Variants in RAB4B observed in about 807,000 individuals in gnomAD.
RAB4B encodes ras-related protein Rab-4B.
RAB4B carries 15 observed loss-of-function variants against 28.3 expected under a neutral mutation model. The ratio of observed to expected loss-of-function variants is 0.53; its 90% CI spans 0.35 to 0.82. The LOEUF is 0.82. Among genes scored for constraint, RAB4B ranks in the 40% least tolerant of loss-of-function variants. The pLI is 0.01. For synonymous variants in RAB4B, 108 were observed against 116.3 expected, an observed-to-expected ratio of 0.93 and a Z score of 0.46; for missense variants, 244 against 288.5, an observed-to-expected ratio of 0.85 and a Z score of 1.12.
intron 7 of RAB4B, among the ~76,000 whole-genome samples, chr19:40,795,169 C>CA (rs1167818145): frequency 0.016 from 955 of 60,024 alleles, 3 homozygotes; most frequent in Non-Finnish European, 0.019. Context: ...GCTCCATCTC[C>CA]AAAAAAAAAA....
intron 7 of RAB4B, among the ~76,000 whole-genome samples, chr19:40,790,731 G>C (rs1483351929): frequency 1.4e-5 from 2 of 146,138 alleles, no homozygotes; most frequent in Non-Finnish European, 3.0e-5. Flanking sequence ...ACCCAGGCTA[G>C]AGTGCAGTGG....
intron 5 of RAB4B, among the ~76,000 whole-genome samples, chr19:40,784,977 G>T (rs1022065439): frequency 2.6e-5 from 4 of 151,814 alleles, no homozygotes; most frequent in Non-Finnish European, 4.4e-5. Flanking sequence ...ACAACGCCTG[G>T]CTAATTTTTA....
intron 7 of RAB4B, among the ~76,000 whole-genome samples, chr19:40,795,633 G>T (rs1390985935): frequency 6.6e-6 from 1 of 151,922 alleles, no homozygotes; most frequent in African/African-American, 2.4e-5. Context: ...CTGACCTTGT[G>T]ATCTGCCTGT....
chr19:40,789,280 G>A (rs1453286770), intron 7 of RAB4B, among the ~76,000 whole-genome samples: 3 of 151,672 alleles, frequency 2.0e-5, no homozygotes, highest in Non-Finnish European at 2.9e-5. Context: ...TCAGCTCACC[G>A]CAACCTCTGC....
chr19:40,788,559 CA>C (rs2083125037), intron 7 of RAB4B, among the ~76,000 whole-genome samples: 2 of 144,082 alleles, frequency 1.4e-5, no homozygotes, highest in South Asian at 4.4e-4. Context: ...AAAACAGGCA[CA>C]GATGAGTGGA....
At position 40,786,661 on chromosome 19, in the gene RAB4B, G is replaced by T. The variant is rs1444133369; in HGVS notation, c.431-4G>T. On this transcript the variant is annotated splice_polypyrimidine_tract_variant and splice_region_variant and intron_variant, in intron 5 of 7. Transcript: ENST00000357052. ...CCCTGACCTCAGAGTGTGTGCCCCT[G>T]CAGAGCTGATGTTCCTGGAGACCAG... 2 of 1,613,888 alleles carry T rather than the reference G, an allele frequency of 1.2e-6. No individual in the cohort carries two copies. Among genetic ancestry groups the T allele is most frequent in the Non-Finnish European group, 1.7e-6 (2 of 1,179,952 alleles).
intron 7 of RAB4B, among the ~76,000 whole-genome samples, chr19:40,793,297 C>T (rs1006311619): frequency 6.6e-6 from 1 of 151,940 alleles, no homozygotes; most frequent in Non-Finnish European, 1.5e-5. Flanking sequence ...TGCAGTGGCA[C>T]CATCTCAGCT....
chr19:40,783,683 G>A, intron 3 of RAB4B, 95 bp from the exon 4 acceptor site: 1 of 1,260,014 alleles, frequency 7.9e-7, no homozygotes, highest in Non-Finnish European at 1.1e-6. Flanking sequence ...CAGTGAAGGG[G>A]GGGGCCTCCG....
chr19:40,790,574 G>T (rs113336186), intron 7 of RAB4B, among the ~76,000 whole-genome samples: 4,414 of 150,626 alleles, frequency 0.029, 84 homozygotes, highest in African/African-American at 0.044. Context: ...GGGGTTTCAC[G>T]GTGTTAGCCA....
chr19:40,793,540 C>T (rs2083178177), intron 7 of RAB4B, among the ~76,000 whole-genome samples: 2 of 150,696 alleles, frequency 1.3e-5, no homozygotes, highest in Admixed American at 6.6e-5. Flanking sequence ...CATGCCTGGC[C>T]TCTTTTCCTT....
At chr19:40,796,471 C>G (rs557874981) in intron 7 of RAB4B, 99 bp from the exon 8 acceptor site, 1 of 152,346 alleles carries the variant, frequency 6.6e-6, no homozygotes, top group African/African-American at 2.4e-5. Context: ...ATGGACAGAC[C>G]GATGCAGATA....
intron 7 of RAB4B, among the ~76,000 whole-genome samples, chr19:40,788,017 C>T (rs897403982): frequency 6.7e-6 from 1 of 150,040 alleles, no homozygotes; most frequent in Non-Finnish European, 1.5e-5. Flanking sequence ...AGGGAATCCA[C>T]CTGCAGCCCC....
At chr19:40,790,405 C>G (rs574245733) in intron 7 of RAB4B, among the ~76,000 whole-genome samples, 3 of 150,938 alleles carry the variant, frequency 2.0e-5, no homozygotes, top group African/African-American at 7.3e-5. Context: ...GAGTCTCGCT[C>G]TGTCACCCAG....
rs2083064461 is a variant in RAB4B at position 40,783,084 on chromosome 19, T to C, written c.213-694T>C. ...ACCCGGGAGGTGGAGGTTGCAGTGG[T>C]TGCAGTGAGCCGAGATCATGCCACT... On this transcript the variant is annotated intron_variant, in intron 3 of 7. Coordinates refer to ENST00000357052, the MANE Select transcript of RAB4B (RefSeq NM_016154.5). Among the ~76,000 whole-genome samples, 3 of 144,320 alleles carry C rather than the reference T, an allele frequency of 2.1e-5. No individual in the cohort carries two copies. The South Asian group carries it at 6.6e-4, about 32-fold the overall frequency. The allele number at this position is 144,320 out of a possible 152,430, so 94.7% of individuals were successfully genotyped here.
intron 7 of RAB4B, among the ~76,000 whole-genome samples, chr19:40,789,804 T>C (rs1025362797): frequency 6.6e-6 from 1 of 151,876 alleles, no homozygotes; most frequent in Non-Finnish European, 1.5e-5. Context: ...TGGCCAAGAG[T>C]GTACATTTAA....
chr19:40,781,797 G>T (rs1433364703), intron 3 of RAB4B, among the ~76,000 whole-genome samples: 3 of 151,950 alleles, frequency 2.0e-5, no homozygotes, highest in Non-Finnish European at 4.4e-5. Context: ...CGAGGCGGGC[G>T]GATCACGAGG....
chr19:40,779,968 T>G (rs4803367), intron 1 of RAB4B, 51 bp from the exon 2 acceptor site: 35,366 of 1,609,096 alleles, frequency 0.022, 399 homozygotes, highest in Non-Finnish European at 0.025. Context: ...CTTTTTTCCC[T>G]GTATCTTTCT....
At chr19:40,791,196 G>T (rs919565674) in intron 7 of RAB4B, among the ~76,000 whole-genome samples, 1 of 151,940 alleles carries the variant, frequency 6.6e-6, no homozygotes, top group African/African-American at 2.4e-5. Context: ...TGCCATGCTC[G>T]TGAGGCTGGT....
At chr19:40,795,398 T>C (rs144434012) in intron 7 of RAB4B, among the ~76,000 whole-genome samples, 1 of 110,522 alleles carries the variant, frequency 9.0e-6, no homozygotes, top group Non-Finnish European at 2.2e-5. Flanking sequence ...TATTTATTTA[T>C]TTATTTATTT....
Sources: allele counts gnomAD v4.1 joint callset (sites outside exome capture counted in the v4.1 genomes callset), GRCh38; gene constraint gnomAD v4.1.1; transcripts MANE v1.5; gene names NCBI Gene and HGNC (gene_info 2026-07-23, HGNC 2026-07-21).